Variants in DCLK2 observed in about 807,000 individuals in gnomAD.
DCLK2 encodes the protein serine/threonine-protein kinase DCLK2.
In DCLK2, 31 loss-of-function variants were observed where a neutral mutation model predicts 78.4. That is an observed-to-expected ratio of 0.40 (90% CI 0.30 to 0.53). DCLK2 has a LOEUF of 0.53. DCLK2 is among the 20% of genes least tolerant of loss of function. DCLK2 has a pLI of 0.61. For missense variants in DCLK2, 872 were observed against 973.7 expected, an observed-to-expected ratio of 0.90 and a Z score of 1.39; for synonymous variants, 407 against 374.9, an observed-to-expected ratio of 1.09 and a Z score of -0.99.
At chr4:150,079,919 C>A (rs895617396) in intron 1 of DCLK2, among the ~76,000 whole-genome samples, 1 of 152,070 alleles carries the variant, frequency 6.6e-6, no homozygotes, top group African/African-American at 2.4e-5. Flanking sequence ...GGTTGGCTTT[C>A]CTAGTTTGCC....
chr4:150,256,054 G>T lies in DCLK2; in HGVS notation c.2108G>T (p.Cys703Phe). The change falls in exon 16 of 16, where the codon TGC (cysteine) becomes TTC (phenylalanine). Residue 703 changes from cysteine (C) to phenylalanine (F), a missense_variant. Coordinates refer to ENST00000296550, the MANE Select transcript of DCLK2 (RefSeq NM_001040260.4). ...CTAGATAAGGAGGGGCAGATTTTCT[G>T]CAGCAAGCACTGTCAAGACAGCGGC... is the stretch of plus-strand genomic sequence containing the variant. ...TALDKEGQIF[C>F]SKHCQDSGRP... is the part of the protein sequence containing the mutation. 1.9e-6 allele frequency: 3 copies of T among 1,612,822 alleles called. No homozygotes were observed. The highest frequency in any genetic ancestry group is 2.5e-6 in the Non-Finnish European group (3 of 1,179,862).
chr4:150,228,551 C>T (rs1387149136), intron 8 of DCLK2, among the ~76,000 whole-genome samples: 1 of 152,152 alleles, frequency 6.6e-6, no homozygotes, highest in African/African-American at 2.4e-5. Flanking sequence ...GAGACCAGCA[C>T]ACAAACAGTT....
chr4:150,247,443 TTC>T (rs1743407436), intron 12 of DCLK2, among the ~76,000 whole-genome samples, 158 bp from the exon 13 acceptor site: 1 of 152,226 alleles, frequency 6.6e-6, no homozygotes, highest in Non-Finnish European at 1.5e-5. Context: ...AAAGGAGAAG[TTC>T]TGTCATTACA....
chr4:150,116,415 G>A (rs1732098627), intron 2 of DCLK2, among the ~76,000 whole-genome samples: 2 of 152,202 alleles, frequency 1.3e-5, no homozygotes. Context: ...CTTCCCACAA[G>A]CGGAAAGTTC....
intron 2 of DCLK2, among the ~76,000 whole-genome samples, chr4:150,127,120 TGAAGTTAGTGTTGGTCACTTGGTTA>T (rs1341294581): frequency 6.6e-6 from 1 of 152,186 alleles, no homozygotes; most frequent in Non-Finnish European, 1.5e-5. Flanking sequence ...TCATTACTGG[TGAAGTTAGTGTTGGTCACTTGGTTA>T]AGCAAGTGCC....
At chr4:150,146,109 C>G (rs531849525) in intron 2 of DCLK2, among the ~76,000 whole-genome samples, 1 of 152,150 alleles carries the variant, frequency 6.6e-6, no homozygotes, top group Non-Finnish European at 1.5e-5. Flanking sequence ...ATTAAGGGCC[C>G]TTGACTCATT....
rs1580455121 is a variant in DCLK2, at chr4:150,078,871, C to A, written c.-157C>A. ...GAGGGCGCGGGCGGGTCGGCTCCTC[C>A]GCGGCTCCTCGGCCCCACCTGCGCG... On this transcript the variant is annotated 5_prime_UTR_variant, in exon 1 of 16. Coordinates refer to ENST00000296550, the MANE Select transcript of DCLK2 (RefSeq NM_001040260.4). 2.2e-5 allele frequency: 22 copies of A among 986,736 alleles called. No homozygotes were observed. The highest frequency in any genetic ancestry group is 5.2e-5 in the African/African-American group (3 of 58,142). The allele number at this position is 986,736 out of a possible 1,614,324, so 61.1% of individuals were successfully genotyped here.
At chr4:150,164,052 T>C (rs113150456) in intron 2 of DCLK2, among the ~76,000 whole-genome samples, 2,345 of 152,322 alleles carry the variant, frequency 0.015, 22 homozygotes, top group Non-Finnish European at 0.025. Context: ...ATTATAGGCA[T>C]AAGCCACTGC....
At chr4:150,218,055 C>T (rs934136181) in intron 5 of DCLK2, among the ~76,000 whole-genome samples, 7 of 150,004 alleles carry the variant, frequency 4.7e-5, no homozygotes, top group Non-Finnish European at 4.4e-5. Context: ...CTCTCACTCT[C>T]GCTCTCTCTC....
rs929570153 is a variant in DCLK2, at chr4:150,148,391, T to G, written c.757-44747T>G. Among the ~76,000 whole-genome samples the G allele has an allele frequency of 4.0e-5, 6 of 148,786 alleles. No individual in the cohort carries two copies. The East Asian group carries it at 6.0e-4, about 15-fold the overall frequency. On this transcript the variant is annotated intron_variant, in intron 2 of 15. Coordinates refer to ENST00000296550, the MANE Select transcript of DCLK2 (RefSeq NM_001040260.4). ...AAAGAAAATTCATGTCTTTTTTTTTTTTTATGTTTTTAAAAATGGAGGTCT... is the reference window on the plus strand; with the variant it reads ...AAAGAAAATTCATGTCTTTTTTTTTGTTTATGTTTTTAAAAATGGAGGTCT...
intron 2 of DCLK2, among the ~76,000 whole-genome samples, chr4:150,113,709 T>C (rs1394660598): frequency 1.3e-5 from 2 of 149,734 alleles, no homozygotes; most frequent in African/African-American, 4.9e-5. Context: ...TTTTTTTTTT[T>C]CATTGATCTT....
chr4:150,104,151 C>T (rs1244681120), intron 2 of DCLK2, among the ~76,000 whole-genome samples: 1 of 151,716 alleles, frequency 6.6e-6, no homozygotes, highest in African/African-American at 2.4e-5. Context: ...ACAGTAAATA[C>T]AGATGTGATT....
chr4:150,158,163 G>T (rs1735452520), intron 2 of DCLK2, among the ~76,000 whole-genome samples: 1 of 152,106 alleles, frequency 6.6e-6, no homozygotes, highest in Non-Finnish European at 1.5e-5. Flanking sequence ...TTCTCCGGAG[G>T]CACCTCCCCC....
chr4:150,241,725 G>A (rs1037767891), intron 12 of DCLK2, among the ~76,000 whole-genome samples: 9 of 152,190 alleles, frequency 5.9e-5, no homozygotes, highest in Non-Finnish European at 1.3e-4. Flanking sequence ...TCAAGGTACT[G>A]CAGATTTGGT....
intron 6 of DCLK2, 23 bp from the exon 7 acceptor site, chr4:150,221,654 A>G (rs1741197795): frequency 6.7e-7 from 1 of 1,499,722 alleles, no homozygotes; most frequent in African/African-American, 1.4e-5. Flanking sequence ...TTTCTTTAGA[A>G]TTTGCATTTA....
chr4:150,230,794 A>T (rs1580762098), intron 8 of DCLK2, among the ~76,000 whole-genome samples: 2 of 152,294 alleles, frequency 1.3e-5, no homozygotes, highest in Middle Eastern at 6.8e-3. Context: ...ACTTAGACAG[A>T]TGGGCTTGGA....
At chr4:150,232,656 G>C (rs1742167537) in intron 9 of DCLK2, 26 bp from the exon 10 acceptor site, 1 of 1,611,114 alleles carries the variant, frequency 6.2e-7, no homozygotes, top group African/African-American at 1.3e-5. Flanking sequence ...TTGATGCTTT[G>C]ATATGTTCTT....
intron 2 of DCLK2, among the ~76,000 whole-genome samples, chr4:150,186,894 A>ATGTGTG (rs10683241): frequency 0.07 from 10,388 of 147,518 alleles, 435 homozygotes; most frequent in East Asian, 0.1. Flanking sequence ...CTATCTCAAA[A>ATGTGTG]TGTGTGTGTG....
Position 150,198,084 on chromosome 4 carries a change from C to G in DCLK2, c.942C>G (p.Arg314=). 1 of 1,613,612 alleles carries G rather than the reference C, an allele frequency of 6.2e-7. No individual in the cohort carries two copies. The highest frequency in any genetic ancestry group is 2.2e-5 in the East Asian group (1 of 44,852). ...CCAAAAGCCCTGGGCCCTCTCGACG[C>G]AGCAAATCACCAGCTTCAGGTAGTT... The part of the protein sequence containing the change: ...SGSKSPGPSR[R]SKSPASVNGT... Residue 314 remains arginine (R), a synonymous_variant, in exon 4 of 16, where the codon CGC becomes CGG. Transcript: ENST00000296550.
Sources: gnomAD v4.1 joint callset for allele counts (sites outside exome capture counted in the v4.1 genomes callset) on GRCh38, gnomAD v4.1.1 for gene constraint, MANE v1.5 for transcripts, NCBI Gene and HGNC (gene_info 2026-07-23, HGNC 2026-07-21) for gene names.